The following CPNE7 variants were observed in gnomAD, a reference collection of about 807,000 sequenced individuals.
The protein encoded by CPNE7 is copine 7, also known as copine-7.
Under a neutral mutation model 66.5 loss-of-function variants are expected in CPNE7, and 78 were observed. That is an observed-to-expected ratio of 1.17 (90% confidence interval 0.98 to 1.42). CPNE7 has a LOEUF of 1.42. Among genes scored for constraint, CPNE7 ranks in the 40% most tolerant of loss-of-function variants. CPNE7 has a pLI of 0.00. For synonymous variants in CPNE7, 468 were observed against 336.7 expected, an observed-to-expected ratio of 1.39 and a Z score of -4.27; for missense variants, 1,012 against 776.6, an observed-to-expected ratio of 1.30 and a Z score of -3.60.
Position 89,579,969 on chromosome 16 carries a change from C to A in CPNE7, c.357+2248C>A, listed in dbSNP as rs1290215613. On this transcript the variant is annotated intron_variant, in intron 2 of 14. Coordinates refer to ENST00000319518, the MANE Select transcript of CPNE7 (RefSeq NM_153636.3). ...CCCGTCACATGGAACATCCCGTCAC[C>A]CGTCACACGGAACATCCCATCACAC... Among the ~76,000 whole-genome samples, 7 of 50,544 alleles carry A rather than the reference C, an allele frequency of 1.4e-4. 3 individuals carry two copies. Among genetic ancestry groups the A allele is most frequent in the Non-Finnish European group, 3.4e-4 (6 of 17,490 alleles). 33.2% of individuals were successfully genotyped at this position (50,544 alleles called of 152,430 possible).
rs773653899 is a variant in CPNE7, at chr16:89,585,562, C to G, written c.681+9C>G. The G allele has an allele frequency of 6.2e-7, 1 of 1,600,824 alleles. No individual in the cohort carries two copies. The highest frequency in any genetic ancestry group is 8.5e-7 in the Non-Finnish European group (1 of 1,173,014). On this transcript the variant is annotated intron_variant, in intron 6 of 14. Transcript: ENST00000319518. ...AGACAAGGCCTCTAAAGGTGGGGGA[C>G]GGGATGGACCAAGGGGGCAGTGAGG...
intron 13 of CPNE7, among the ~76,000 whole-genome samples, chr16:89,594,984 C>A (rs1345272959): frequency 6.6e-6 from 1 of 152,050 alleles, no homozygotes; most frequent in Non-Finnish European, 1.5e-5. Context: ...CAGCGGGCAC[C>A]CTGGAGAGAC....
At chr16:89,578,983 T>A in intron 2 of CPNE7, 1 of 1,603,018 alleles carries the variant, frequency 6.2e-7, no homozygotes, top group Non-Finnish European at 8.5e-7. Context: ...GACGGGTCCT[T>A]CTTTTTTATT....
Position 89,588,679 on chromosome 16 carries a change from C to T in CPNE7, c.932C>T (p.Ala311Val), listed in dbSNP as rs775187094. Residue 311 changes from alanine (A) to valine (V), a missense_variant, in exon 10 of 15, where the codon GCC becomes GTC. Physicochemically the swap from Ala to Val is moderately conservative, Grantham distance 64. Coordinates refer to ENST00000319518, the MANE Select transcript of CPNE7 (RefSeq NM_153636.3). ...MGGCQIHFTVAIDFTASNGDP... is the reference protein window; with the variant it reads ...MGGCQIHFTVVIDFTASNGDP... ...CTGGCTCCCGGCCCACTGCAGGTGGCCATTGACTTCACCGCCTCCAATGGA... is the reference window on the plus strand; with the variant it reads ...CTGGCTCCCGGCCCACTGCAGGTGGTCATTGACTTCACCGCCTCCAATGGA... The T allele has an allele frequency of 8.1e-6, 13 of 1,613,136 alleles. No homozygotes were observed. Among genetic ancestry groups the T allele is most frequent in the Non-Finnish European group, 1.1e-5 (13 of 1,179,916 alleles).
intron 13 of CPNE7, among the ~76,000 whole-genome samples, chr16:89,591,556 C>T (rs2059169905): frequency 1.3e-5 from 2 of 152,330 alleles, no homozygotes; most frequent in Middle Eastern, 3.4e-3. Context: ...TACTGTTTGG[C>T]TGTGTGTGTA....
intron 7 of CPNE7, 89 bp from the exon 8 acceptor site, chr16:89,586,581 G>A (rs891660119): frequency 5.4e-5 from 57 of 1,059,612 alleles, no homozygotes; most frequent in Middle Eastern, 2.1e-4. Context: ...GCCCTCTGCC[G>A]TCGCTATTGG....
At position 89,591,137 on chromosome 16, in the gene CPNE7, C is replaced by T. The variant is rs145051752; in HGVS notation, c.1179C>T (p.Gly393=). ...CCCTGCCCCCCACAGGCATCCAGGG[C>T]GTGGTGGAGGCCTACCAGAACTGCC... ...PEDDECEGIQ[G]VVEAYQNCLP... Residue 393 remains glycine, a synonymous_variant, in exon 13 of 15, where the codon GGC becomes GGT. Coordinates refer to ENST00000319518, the MANE Select transcript of CPNE7 (RefSeq NM_153636.3). The T allele has an allele frequency of 1.7e-4, 270 of 1,611,686 alleles. 1 individual carries two copies. In the African/African-American group the frequency reaches 2.5e-3, roughly 15 times the overall value.
In CPNE7 at chr16:89,586,679, G is replaced by T. The variant is rs377682585; in HGVS notation, c.790G>T (p.Asp264Tyr). Residue 264 changes from aspartate (D) to tyrosine (Y), a missense_variant, in exon 8 of 15, where the codon GAC becomes TAC. Physicochemically the swap from Asp to Tyr is radical, Grantham distance 160 (BLOSUM62 -3). Coordinates refer to ENST00000319518, the MANE Select transcript of CPNE7 (RefSeq NM_153636.3). ...KAFEEGQAQW[D>Y]CVNPKYKQKR... Reference sequence around the variant, plus strand: ...CTTGTTCCTGCCCCAGGCCCAGTGGGACTGTGTGAACCCCAAATACAAGCA... The same window carrying T: ...CTTGTTCCTGCCCCAGGCCCAGTGGTACTGTGTGAACCCCAAATACAAGCA... 6.2e-7 allele frequency: 1 copy of T among 1,612,708 alleles called. No homozygotes were observed. Among genetic ancestry groups the T allele is most frequent in the African/African-American group, 1.3e-5 (1 of 74,614 alleles).
In CPNE7 at chr16:89,576,036, G is replaced by A; in HGVS notation, c.139G>A (p.Ala47Thr). 4 of 1,330,562 alleles carry A rather than the reference G, an allele frequency of 3.0e-6. No individual in the cohort carries two copies. Among genetic ancestry groups the A allele is most frequent in the Non-Finnish European group, 3.8e-6 (4 of 1,040,338 alleles). 82.4% of individuals were successfully genotyped at this position (1,330,562 alleles called of 1,614,324 possible). ...GCTCACCAAGTCCGACCCCAGCGTG[G>A]CGTTGCTGCAGCAGGCGCAGGGCCA... ...DPLTKSDPSV[A>T]LLQQAQGQWV... Residue 47 changes from alanine to threonine, a missense_variant, in exon 1 of 15, where the codon GCG (alanine) becomes ACG (threonine). Coordinates refer to ENST00000319518, the MANE Select transcript of CPNE7 (RefSeq NM_153636.3).
intron 10 of CPNE7, among the ~76,000 whole-genome samples, chr16:89,589,214 C>T (rs940345946): frequency 2.0e-5 from 3 of 152,266 alleles, no homozygotes; most frequent in African/African-American, 2.4e-5. Context: ...ATCACTGGAA[C>T]CCGGGAGGCG....
chr16:89,595,648 C>A, intron 14 of CPNE7, 45 bp downstream of exon 14: 1 of 1,520,450 alleles, frequency 6.6e-7, no homozygotes, highest in Non-Finnish European at 9.0e-7. Flanking sequence ...TTGGGGGTCC[C>A]TGTTCATGTC....
intron 2 of CPNE7, chr16:89,578,998 T>A (rs757952722): frequency 1.9e-6 from 3 of 1,594,772 alleles, no homozygotes; most frequent in South Asian, 2.2e-5. Flanking sequence ...TTTATTGAGG[T>A]AAAATTTACA....
intron 2 of CPNE7, among the ~76,000 whole-genome samples, chr16:89,581,918 T>G (rs1772194970): frequency 6.6e-6 from 1 of 152,244 alleles, no homozygotes. Context: ...ATGTTGGGAT[T>G]ATAGGCATGA....
At chr16:89,588,241 C>G (rs1033617596) in intron 9 of CPNE7, among the ~76,000 whole-genome samples, 1 of 152,178 alleles carries the variant, frequency 6.6e-6, no homozygotes, top group African/African-American at 2.4e-5. Flanking sequence ...CCCGTGTCAC[C>G]CGCGTGTTAT....
At chr16:89,577,443 G>A in intron 1 of CPNE7, 96 bp from the exon 2 acceptor site, 9 of 1,262,566 alleles carry the variant, frequency 7.1e-6, no homozygotes, top group Non-Finnish European at 9.9e-6. Flanking sequence ...TCCTCCTGAG[G>A]TACCTGGGCG....
At chr16:89,578,298 C>T (rs1269261641) in intron 2 of CPNE7, among the ~76,000 whole-genome samples, 4 of 151,870 alleles carry the variant, frequency 2.6e-5, no homozygotes, top group South Asian at 2.1e-4. Context: ...ATCCTGACCT[C>T]GTGATCCGCC....
intron 9 of CPNE7, chr16:89,587,516 A>G (rs1367732820): frequency 4.4e-6 from 2 of 452,368 alleles, no homozygotes; most frequent in East Asian, 7.1e-5. Flanking sequence ...GGGAGGTGAC[A>G]TCACCAGGGC....
Position 89,596,642 on chromosome 16 carries a change from G to A in CPNE7, c.*21G>A, listed in dbSNP as rs773990694. 6.3e-7 allele frequency: 1 copy of A among 1,577,612 alleles called. No individual in the cohort carries two copies. The highest frequency in any genetic ancestry group is 8.6e-7 in the Non-Finnish European group (1 of 1,168,340). ...CGTGAAGATGTGGAGGGCGTAGGGTGGGGGCAGTGAGGAATGGGTCCGTAC... is the reference window on the plus strand; with the variant it reads ...CGTGAAGATGTGGAGGGCGTAGGGTAGGGGCAGTGAGGAATGGGTCCGTAC... On this transcript the variant is annotated 3_prime_UTR_variant, in exon 15 of 15. Transcript: ENST00000319518.
intron 13 of CPNE7, among the ~76,000 whole-genome samples, chr16:89,593,780 C>T (rs1005203873): frequency 2.6e-5 from 4 of 152,200 alleles, no homozygotes; most frequent in Non-Finnish European, 4.4e-5. Context: ...AGACTATATT[C>T]CAATTTCATT....
Sources: allele counts gnomAD v4.1 joint callset (sites outside exome capture counted in the v4.1 genomes callset), GRCh38; gene constraint gnomAD v4.1.1; transcripts MANE v1.5; gene names NCBI Gene and HGNC (gene_info 2026-07-23, HGNC 2026-07-21).